The following ZNF577 variants were observed in gnomAD, a reference collection of about 807,000 sequenced individuals.
ZNF577 encodes the protein zinc finger protein 577.
ZNF577 carries 14 observed loss-of-function variants against 13.9 expected under a neutral mutation model. The ratio of observed to expected loss-of-function variants is 1.00; its 90% CI spans 0.66 to 1.57. ZNF577 has a LOEUF of 1.57. Ranked by LOEUF, ZNF577 falls within the 40% of genes most tolerant of loss-of-function variation. The pLI is 0.00. For missense variants in ZNF577, 555 were observed against 579.2 expected (o/e 0.96, Z 0.43); for synonymous variants, 203 against 202.9 (o/e 1.00, Z 0.00).
intron 5 of ZNF577, among the ~76,000 whole-genome samples, chr19:51,874,429 T>C (rs1252599539): frequency 6.7e-6 from 1 of 150,204 alleles, no homozygotes; most frequent in Non-Finnish European, 1.5e-5. Context: ...TAAAGAACAT[T>C]CCAAGAAAAG....
intron 5 of ZNF577, among the ~76,000 whole-genome samples, chr19:51,876,415 G>C (rs1466867643): frequency 1.3e-5 from 2 of 151,622 alleles, no homozygotes; most frequent in African/African-American, 4.9e-5. Context: ...CAGGCCCTGA[G>C]AGTGAATTAA....
downstream of ZNF577, among the ~76,000 whole-genome samples, chr19:51,864,297 A>T (rs1242953575): frequency 1.3e-5 from 2 of 152,176 alleles, no homozygotes; most frequent in African/African-American, 4.8e-5. Context: ...CAAAATCTGA[A>T]GTCTTTTAAG....
In ZNF577 at chr19:51,880,402, C is replaced by G. The variant is rs1280383665; in HGVS notation, c.-19-1G>C. ...TTTCATGTGTTTCCTGTTATTTCAG[C>G]TGCCAAAAAAAAGGAGACACAGTTT... On this transcript the variant is annotated splice_acceptor_variant, in intron 2 of 5. Transcript: ENST00000638348. LOFTEE classifies it low-confidence loss of function (5UTR_SPLICE). 6.2e-7 allele frequency: 1 copy of G among 1,613,134 alleles called. No individual in the cohort carries two copies. Among genetic ancestry groups the G allele is most frequent in the Admixed American group, 1.7e-5 (1 of 59,860 alleles).
chr19:51,880,151 A>G (rs985756322), intron 3 of ZNF577, among the ~76,000 whole-genome samples, 172 bp downstream of exon 3: 53 of 152,348 alleles, frequency 3.5e-4, no homozygotes, highest in African/African-American at 1.2e-3. Flanking sequence ...ATTTTGTCCA[A>G]TCCAGTTTTC....
chr19:51,857,361 GGAAGGAAA>G lies in ZNF577; in HGVS notation c.284-12438_284-12431del, dbSNP rs1364804443. On this transcript the variant is annotated intron_variant and NMD_transcript_variant, in intron 5 of 10. Coordinates refer to the ZNF577 transcript ENST00000638827. ...GAGAAAGAAAGAGAGAAAGAAAGAAGGAAGGAAAGAAAGAAAGAAAGAAAGAAAGAAAG... is the reference window on the plus strand; with the variant it reads ...GAGAAAGAAAGAGAGAAAGAAAGAAGGAAAGAAAGAAAGAAAGAAAGAAAG... Among the ~76,000 whole-genome samples, 520 of 69,140 alleles carry G rather than the reference GGAAGGAAA, an allele frequency of 7.5e-3. 13 individuals are homozygous for G. The highest frequency in any genetic ancestry group is 0.025 in the African/African-American group (439 of 17,466). 45.4% of individuals were successfully genotyped at this position (69,140 alleles called of 152,430 possible).
exon 10 of ZNF577, chr19:51,811,526 T>C (rs1410865573): frequency 6.6e-6 from 1 of 152,214 alleles, no homozygotes; most frequent in Non-Finnish European, 1.5e-5. Context: ...CGTTGTCAAT[T>C]TCAGTTCCTC....
intron 5 of ZNF577, among the ~76,000 whole-genome samples, chr19:51,874,455 A>T (rs1247710961): frequency 6.6e-6 from 1 of 151,746 alleles, no homozygotes; most frequent in Non-Finnish European, 1.5e-5. Context: ...AGCCAGTGTG[A>T]AAACCCAGAG....
chr19:51,824,500 T>C lies in ZNF577; in HGVS notation c.*600-12826A>G. The C allele has an allele frequency of 6.2e-7, 1 of 1,614,034 alleles. No individual in the cohort carries two copies. The highest frequency in any genetic ancestry group is 8.5e-7 in the Non-Finnish European group (1 of 1,179,988). The stretch of plus-strand genomic sequence containing the variant: ...TTCGCTGCTGTGGTGGCTTCTTTCT[T>C]CATCTGTTGGTTCCCTTATGAACTA... On this transcript the variant is annotated intron_variant and NMD_transcript_variant, in intron 9 of 10. Coordinates refer to the ZNF577 transcript ENST00000638827. The surrounding 1 kb of genome is among the most constrained non-coding windows in gnomAD (Gnocchi z 4.7).
In ZNF577 at chr19:51,873,701, C is replaced by T. The variant is rs749959280; in HGVS notation, c.289G>A (p.Val97Ile). The T allele has an allele frequency of 1.6e-5, 25 of 1,599,372 alleles. No individual in the cohort carries two copies. In the East Asian group the frequency reaches 3.1e-4, roughly 20 times the overall value. ...AAHSQICPGF[V>I]IQSRRYAGKD... ...CCTGCATATCTTCTACTCTGGATTA[C>T]AAAACCTAAATGAGATTTCAAACTT... is the stretch of plus-strand genomic sequence containing the variant. The change falls in exon 6 of 6, where the codon GTA (valine) becomes ATA (isoleucine). Residue 97 changes from valine (V) to isoleucine (I), a missense_variant. By Grantham distance (29) the Val-to-Ile change is conservative. Transcript: ENST00000638348.
At chr19:51,885,157 T>G (rs888042621) in intron 1 of ZNF577, among the ~76,000 whole-genome samples, 18 of 152,306 alleles carry the variant, frequency 1.2e-4, no homozygotes, top group African/African-American at 3.6e-4. Context: ...CTTTCAGGGG[T>G]TGGGACTATT....
intron 9 of ZNF577, among the ~76,000 whole-genome samples, chr19:51,815,983 C>A (rs2084133567): frequency 6.6e-6 from 1 of 151,852 alleles, no homozygotes. Context: ...GGGAGGATCA[C>A]TTGAGCCCAG....
intron 9 of ZNF577, among the ~76,000 whole-genome samples, chr19:51,832,511 A>G (rs2084265892): frequency 6.6e-6 from 1 of 152,064 alleles, no homozygotes; most frequent in Non-Finnish European, 1.5e-5. Flanking sequence ...GCAAACCACC[A>G]TGCCTGGCTA....
chr19:51,864,713 A>G (rs570612584), downstream of ZNF577, among the ~76,000 whole-genome samples: 131 of 152,336 alleles, frequency 8.6e-4, no homozygotes, highest in Non-Finnish European at 1.3e-3. Flanking sequence ...TTCCCAGGCA[A>G]ATGTAGGAGG....
At position 51,869,079 on chromosome 19, in the gene ZNF577, T is replaced by G. The variant is rs6509584; in HGVS notation, c.*3453A>C. On this transcript the variant is annotated 3_prime_UTR_variant, in exon 6 of 6. Coordinates refer to ENST00000638348, the MANE Select transcript of ZNF577 (RefSeq NM_001370449.1). ...CTCCCCACTGAGACAGCCTGAGATA[T>G]GGCCTCGTGGGAAGGGAAAGACCTG... is the stretch of plus-strand genomic sequence containing the variant. 6.6e-6 allele frequency among the ~76,000 whole-genome samples: 1 copy of G among 151,940 alleles called. No homozygotes were observed. Among genetic ancestry groups the G allele is most frequent in the Non-Finnish European group, 1.5e-5 (1 of 67,996 alleles).
rs1161063533 is a variant in ZNF577, at chr19:51,807,050, CG to C, written c.*818-1797del. On this transcript the variant is annotated intron_variant and NMD_transcript_variant, in intron 10 of 10. Coordinates refer to the ZNF577 transcript ENST00000638827. ...TGACAATGTTGATTGTAGCCTGCCA[CG>C]ATCCCTGATGGACTGAACAAAGGGG... Among the ~76,000 whole-genome samples, 7 of 152,244 alleles carry C rather than the reference CG, an allele frequency of 4.6e-5. No individual in the cohort carries two copies. In the East Asian group the frequency reaches 1.4e-3, roughly 29 times the overall value.
At chr19:51,839,719 C>T (rs1300080869) in intron 9 of ZNF577, 1 of 152,298 alleles carries the variant, frequency 6.6e-6, no homozygotes, top group Admixed American at 6.5e-5. Context: ...CAGACACCGA[C>T]TTCCACTCGA....
chr19:51,879,700 C>A (rs1364844850), intron 3 of ZNF577, among the ~76,000 whole-genome samples: 6 of 152,052 alleles, frequency 3.9e-5, no homozygotes, highest in African/African-American at 1.5e-4. Flanking sequence ...TAGATAGAGA[C>A]CCAAACTATG....
At chr19:51,874,107 C>T (rs193048495) in intron 5 of ZNF577, among the ~76,000 whole-genome samples, 55 of 152,308 alleles carry the variant, frequency 3.6e-4, no homozygotes, top group African/African-American at 1.3e-3. Flanking sequence ...ATCAATACAA[C>T]TTGGGCTGCC....
At chr19:51,814,980 T>C (rs1568430532) in intron 9 of ZNF577, among the ~76,000 whole-genome samples, 1 of 151,792 alleles carries the variant, frequency 6.6e-6, no homozygotes, top group Admixed American at 6.6e-5. Context: ...TGGCTAATTT[T>C]CGTATTTTTA....
Sources: allele counts gnomAD v4.1 joint callset (sites outside exome capture counted in the v4.1 genomes callset), GRCh38; gene constraint gnomAD v4.1.1; non-coding constraint Gnocchi (gnomAD v3.1); transcripts MANE v1.5; gene names NCBI Gene and HGNC (gene_info 2026-07-23, HGNC 2026-07-21).